Variants in AGBL1 observed in about 807,000 individuals in gnomAD.
AGBL1 encodes the protein AGBL carboxypeptidase 1, also known as cytosolic carboxypeptidase 4.
AGBL1 carries 130 observed loss-of-function variants against 118.9 expected under a neutral mutation model. The observed-to-expected ratio is 1.09, with a 90% CI of 0.95 to 1.26. The LOEUF is 1.26. Ranked by LOEUF, AGBL1 falls within the 50% of genes most tolerant of loss-of-function variation. The pLI is 0.00. For synonymous variants in AGBL1, 555 were observed against 478.9 expected (o/e 1.16, Z -2.08); for missense variants, 1,584 against 1,298.1 (o/e 1.22, Z -3.38).
At chr15:86,905,009 CAT>C (rs2080262834) in intron 22 of AGBL1, among the ~76,000 whole-genome samples, 2 of 152,040 alleles carry the variant, frequency 1.3e-5, no homozygotes, top group South Asian at 4.2e-4. Context: ...TGTAAAGACT[CAT>C]ATTTAGAAAA....
intron 21 of AGBL1, among the ~76,000 whole-genome samples, chr15:86,653,803 C>T (rs138156256): frequency 5.3e-4 from 81 of 152,252 alleles, no homozygotes; most frequent in Non-Finnish European, 9.6e-4. Flanking sequence ...TAAACACGAT[C>T]ACCTTGGGCT....
chr15:86,227,972 A>G (rs2078393781), intron 6 of AGBL1, among the ~76,000 whole-genome samples: 1 of 152,198 alleles, frequency 6.6e-6, no homozygotes, highest in Admixed American at 6.5e-5. Context: ...CTTCATTTAA[A>G]TCGCAAAGTC....
intron 17 of AGBL1, among the ~76,000 whole-genome samples, chr15:86,334,662 T>C (rs1307266114): frequency 1.3e-5 from 2 of 152,106 alleles, no homozygotes; most frequent in Non-Finnish European, 2.9e-5. Flanking sequence ...AAAAAACTAT[T>C]CTAAAATTCA....
intron 23 of AGBL1, among the ~76,000 whole-genome samples, chr15:86,940,360 C>G (rs889165216): frequency 1.3e-5 from 2 of 151,996 alleles, no homozygotes; most frequent in Non-Finnish European, 2.9e-5. Flanking sequence ...GATGATTTAT[C>G]AAACTATTTA....
chr15:86,603,292 C>G (rs2084524466), intron 21 of AGBL1, among the ~76,000 whole-genome samples: 3 of 152,132 alleles, frequency 2.0e-5, no homozygotes. Context: ...CCAAAGGACC[C>G]AGTATCTGAT....
intron 22 of AGBL1, among the ~76,000 whole-genome samples, chr15:86,734,885 T>C (rs1482954492): frequency 2.0e-5 from 3 of 152,236 alleles, no homozygotes; most frequent in Non-Finnish European, 2.9e-5. Flanking sequence ...GAATATGTTG[T>C]AGAATTGTGA....
chr15:86,266,493 T>G (rs1280883023), intron 12 of AGBL1, 36 bp downstream of exon 12: 1 of 1,447,160 alleles, frequency 6.9e-7, no homozygotes, highest in South Asian at 1.3e-5. Flanking sequence ...AGGTGGGGCA[T>G]GGAGAATTCT....
chr15:86,946,614 G>A (rs1335244569), intron 23 of AGBL1, among the ~76,000 whole-genome samples: 5 of 152,070 alleles, frequency 3.3e-5, no homozygotes, highest in South Asian at 2.1e-4. Context: ...TTGGGAGGCC[G>A]AGGCAGGTGG....
chr15:86,984,359 CTCTCT>C (rs2081259691), intron 23 of AGBL1, among the ~76,000 whole-genome samples: 1 of 21,988 alleles, frequency 4.5e-5, no homozygotes, highest in Admixed American at 4.4e-4. Flanking sequence ...CCATTTTTTT[CTCTCT>C]TTTTTTTTTT....
At chr15:86,087,664 A>C (rs1369058716) in intron 1 of AGBL1, among the ~76,000 whole-genome samples, 5 of 152,142 alleles carry the variant, frequency 3.3e-5, no homozygotes, top group Non-Finnish European at 7.4e-5. Context: ...TAAGGCAGTT[A>C]ATATTATCCT....
At chr15:86,769,477 T>C (rs1344346843) in intron 22 of AGBL1, among the ~76,000 whole-genome samples, 5 of 151,942 alleles carry the variant, frequency 3.3e-5, no homozygotes, top group African/African-American at 1.2e-4. Flanking sequence ...CATCACACAG[T>C]TTCCATGTCA....
intron 21 of AGBL1, among the ~76,000 whole-genome samples, chr15:86,637,458 T>G (rs1418619918): frequency 6.6e-6 from 1 of 152,004 alleles, no homozygotes; most frequent in Non-Finnish European, 1.5e-5. Flanking sequence ...CGGGTTATAG[T>G]GAGTGAGGGT....
intron 5 of AGBL1, among the ~76,000 whole-genome samples, chr15:86,219,072 G>A (rs1222513183): frequency 6.6e-6 from 1 of 152,246 alleles, no homozygotes; most frequent in Non-Finnish European, 1.5e-5. Context: ...CTGTGCCACA[G>A]AATATCTGAC....
At chr15:86,238,835 G>A (rs2078596268) in intron 6 of AGBL1, among the ~76,000 whole-genome samples, 1 of 151,768 alleles carries the variant, frequency 6.6e-6, no homozygotes, top group Non-Finnish European at 1.5e-5. Flanking sequence ...TTATTTTTTT[G>A]TAGAGATGGG....
chr15:86,382,715 C>T (rs2081129031), intron 17 of AGBL1, among the ~76,000 whole-genome samples: 1 of 151,714 alleles, frequency 6.6e-6, no homozygotes. Context: ...TGATTTCTTT[C>T]CTTCCTCCCT....
At chr15:86,223,520 C>T (rs2078311050) in intron 5 of AGBL1, among the ~76,000 whole-genome samples, 1 of 152,142 alleles carries the variant, frequency 6.6e-6, no homozygotes, top group Non-Finnish European at 1.5e-5. Flanking sequence ...GTTTTCAATC[C>T]ACTGTTGTGA....
intron 23 of AGBL1, among the ~76,000 whole-genome samples, chr15:86,946,843 CAAAAAAAA>C (rs11355715): frequency 3.0e-5 from 3 of 100,148 alleles, no homozygotes; most frequent in African/African-American, 7.6e-5. Flanking sequence ...AAACTCGGTC[CAAAAAAAA>C]AAAAAAAAAA....
chr15:87,025,928 A>C (rs2081722408), intron 24 of AGBL1, among the ~76,000 whole-genome samples: 1 of 152,096 alleles, frequency 6.6e-6, no homozygotes, highest in South Asian at 2.1e-4. Context: ...TTTTCAACAA[A>C]TGGTGCTGGG....
At chr15:86,955,064 C>A (rs1196670358) in intron 23 of AGBL1, among the ~76,000 whole-genome samples, 4 of 152,194 alleles carry the variant, frequency 2.6e-5, no homozygotes, top group East Asian at 3.9e-4. Flanking sequence ...CCCTCCAGAA[C>A]TTTGTTCTAT....
Sources: allele counts gnomAD v4.1 joint callset (sites outside exome capture counted in the v4.1 genomes callset), GRCh38; gene constraint gnomAD v4.1.1; transcripts MANE v1.5; gene names NCBI Gene and HGNC (gene_info 2026-07-23, HGNC 2026-07-21).